The following ZNF208 variants were observed in gnomAD, a reference collection of about 807,000 sequenced individuals.
The protein encoded by ZNF208 is zinc finger protein 95.
Under a neutral mutation model 12.1 loss-of-function variants are expected in ZNF208, and 10 were observed. The ratio of observed to expected loss-of-function variants is 0.83; its 90% CI spans 0.51 to 1.40. ZNF208 has a LOEUF of 1.40. ZNF208 is among the 40% of genes most tolerant of loss of function. The probability of loss-of-function intolerance (pLI) is 0.00; values close to 1 mark genes in which losing one functional copy is unlikely to be tolerated. For missense variants in ZNF208, 1,652 were observed against 1,485.0 expected (o/e 1.11, Z -1.85); for synonymous variants, 497 against 488.4 (o/e 1.02, Z -0.23).
chr19:22,010,074 A>G (rs1050997546), intron 1 of ZNF208, among the ~76,000 whole-genome samples: 2 of 151,728 alleles, frequency 1.3e-5, no homozygotes, highest in Non-Finnish European at 2.9e-5. Context: ...AGTCCCAGCT[A>G]CTCGGAAGGC....
intron 4 of ZNF208, among the ~76,000 whole-genome samples, chr19:21,950,293 A>T (rs1227720986): frequency 6.6e-6 from 1 of 152,116 alleles, no homozygotes; most frequent in African/African-American, 2.4e-5. Flanking sequence ...GCAAGCATAG[A>T]AGGCCCTAAA....
chr19:21,962,000 T>A (rs764917228), downstream of ZNF208, among the ~76,000 whole-genome samples: 1 of 152,136 alleles, frequency 6.6e-6, no homozygotes, highest in Non-Finnish European at 1.5e-5. Flanking sequence ...GAGATTAAAG[T>A]AAGACAGGTG....
chr19:21,960,511 T>C (rs984713894), intron 4 of ZNF208, among the ~76,000 whole-genome samples: 3 of 152,204 alleles, frequency 2.0e-5, no homozygotes, highest in African/African-American at 7.2e-5. Flanking sequence ...TGGAATGCTC[T>C]TTATTCCTTA....
In ZNF208 at chr19:21,972,008, G is replaced by C. The variant is rs757134133; in HGVS notation, c.3026C>G (p.Ala1009Gly). The part of the protein sequence containing the change: ...KPYKCEECGK[A>G]FNWSSNLMEH... ...CATAAGGTTTGATGACCAGTTGAAAGCTTTGCCACATTCTTCACATTTGTA... is the reference window on the plus strand; with the variant it reads ...CATAAGGTTTGATGACCAGTTGAAACCTTTGCCACATTCTTCACATTTGTA... Residue 1009 changes from alanine (A) to glycine (G), a missense_variant, in exon 4 of 4, where the codon GCT becomes GGT. Ala to Gly is a moderately conservative substitution (Grantham distance 60). Around this residue, in one of 3 missense-constraint regions of ZNF208, gnomAD observed 1,239 missense variants for 1,086.2 expected, o/e 1.14. Coordinates refer to ENST00000397126, the MANE Select transcript of ZNF208 (RefSeq NM_007153.3). 1.2e-6 allele frequency: 2 copies of C among 1,613,186 alleles called. No individual in the cohort carries two copies. Among genetic ancestry groups the C allele is most frequent in the South Asian group, 1.1e-5 (1 of 90,974 alleles).
chr19:21,943,563 T>C (rs1312538778), intron 4 of ZNF208, among the ~76,000 whole-genome samples: 1 of 152,166 alleles, frequency 6.6e-6, no homozygotes, highest in Non-Finnish European at 1.5e-5. Context: ...CACAGGAGGA[T>C]CCTGATCCTC....
intron 4 of ZNF208, among the ~76,000 whole-genome samples, chr19:21,960,214 T>A (rs991622461): frequency 6.6e-6 from 1 of 152,148 alleles, no homozygotes; most frequent in Non-Finnish European, 1.5e-5. Context: ...TTTATTGCTA[T>A]ATTGTCTCAA....
Position 21,974,825 on chromosome 19 carries a change from T to C in ZNF208, c.227-18A>G, listed in dbSNP as rs1002540487. The C allele has an allele frequency of 2.6e-6, 4 of 1,512,996 alleles. No individual in the cohort carries two copies. The highest frequency in any genetic ancestry group is 3.5e-6 in the Non-Finnish European group (4 of 1,135,154). 93.7% of individuals were successfully genotyped at this position (1,512,996 alleles called of 1,614,324 possible). ...ACATATAACTGAAAAGAAATAAAAA[T>C]CACAAATTAGCCTACTTATTAGACT... On this transcript the variant is annotated intron_variant, in intron 3 of 3. Transcript: ENST00000397126.
In ZNF208 at chr19:21,954,482, G is replaced by T. The variant is rs181260332; in HGVS notation, c.305+20247C>A. On this transcript the variant is annotated intron_variant, in intron 4 of 4. Coordinates refer to the ZNF208 transcript ENST00000599916. Reference sequence around the variant, plus strand: ...GTGTGGGAGTCTAAGTCTCTTTGTAGGTCTCTAAGGACTTGCTTTATGAAT... The same window carrying T: ...GTGTGGGAGTCTAAGTCTCTTTGTATGTCTCTAAGGACTTGCTTTATGAAT... Among the ~76,000 whole-genome samples the T allele has an allele frequency of 6.2e-3, 951 of 152,212 alleles. 4 individuals are homozygous for T. Among genetic ancestry groups the T allele is most frequent in the Non-Finnish European group, 0.01 (690 of 68,002 alleles).
intron 4 of ZNF208, among the ~76,000 whole-genome samples, chr19:21,960,257 C>G (rs981414796): frequency 6.6e-6 from 1 of 151,610 alleles, no homozygotes; most frequent in African/African-American, 2.4e-5. Flanking sequence ...GGCCTTGATC[C>G]AAAAAATGTT....
chr19:21,984,065 A>G (rs1336970274), intron 3 of ZNF208, among the ~76,000 whole-genome samples: 5 of 152,142 alleles, frequency 3.3e-5, no homozygotes, highest in Non-Finnish European at 7.4e-5. Flanking sequence ...ACTATTTCTG[A>G]CAGAGGTATA....
intron 3 of ZNF208, 52 bp from the exon 4 acceptor site, chr19:21,974,859 TAC>T (rs1452425324): frequency 7.5e-6 from 11 of 1,458,356 alleles, no homozygotes; most frequent in Middle Eastern, 1.8e-4. Flanking sequence ...CTCAGATAAA[TAC>T]AGTTTCTAAA....
downstream of ZNF208, among the ~76,000 whole-genome samples, chr19:21,961,558 G>T (rs551627003): frequency 3.6e-4 from 55 of 152,138 alleles, no homozygotes; most frequent in African/African-American, 8.2e-4. Flanking sequence ...CCAGGGTGGG[G>T]TTTTTTTCCC....
rs1279760396 is a variant in ZNF208 at position 21,942,296 on chromosome 19, G to C, written c.306-9059C>G. Among the ~76,000 whole-genome samples, 3 of 152,164 alleles carry C rather than the reference G, an allele frequency of 2.0e-5. No individual in the cohort carries two copies. In the East Asian group the frequency reaches 5.8e-4, roughly 29 times the overall value. ...TTACTTAATAGTAGTATATATATAAGATCAAAGATCTGTTAAAAATAGATA... is the reference window on the plus strand; with the variant it reads ...TTACTTAATAGTAGTATATATATAACATCAAAGATCTGTTAAAAATAGATA... On this transcript the variant is annotated intron_variant, in intron 4 of 4. Transcript: ENST00000599916.
chr19:22,006,765 T>TAA (rs1224385897), intron 1 of ZNF208, among the ~76,000 whole-genome samples: 1 of 152,210 alleles, frequency 6.6e-6, no homozygotes, highest in African/African-American at 2.4e-5. Flanking sequence ...TTTTTGAAAT[T>TAA]GTGTTTGAAA....
rs1264048854 is a variant in ZNF208, at chr19:21,972,303, G to T, written c.2731C>A (p.His911Asn). Residue 911 changes from histidine to asparagine, a missense_variant, in exon 4 of 4, where the codon CAT (histidine) becomes AAT (asparagine). By Grantham distance (68) the His-to-Asn change is moderately conservative. This residue lies in a region of ZNF208 where 1,239 missense variants were observed against 1,086.2 expected (regional missense o/e 1.14). Transcript: ENST00000397126. Reference sequence around the variant, plus strand: ...CATTTGTAGGGTTTCTCTCCAGTATGAATTACCTCATGTTTAGTAAGGATG... The same window carrying T: ...CATTTGTAGGGTTTCTCTCCAGTATTAATTACCTCATGTTTAGTAAGGATG... ...FSILTKHEVI[H>N]TGEKPYKCEE... 1 of 1,613,502 alleles carries T rather than the reference G, an allele frequency of 6.2e-7. No individual in the cohort carries two copies. Among genetic ancestry groups the T allele is most frequent in the African/African-American group, 1.3e-5 (1 of 74,826 alleles).
chr19:21,949,731 C>G (rs907507658), intron 4 of ZNF208, among the ~76,000 whole-genome samples: 1 of 152,168 alleles, frequency 6.6e-6, no homozygotes. Context: ...TAAGGTCCAG[C>G]TCAACAACCA....
rs1250994965 is a variant in ZNF208, at chr19:21,969,635, A to G, written c.*1556T>C. Among the ~76,000 whole-genome samples, 2 of 152,196 alleles carry G rather than the reference A, an allele frequency of 1.3e-5. No homozygotes were observed. The highest frequency in any genetic ancestry group is 2.4e-5 in the African/African-American group (1 of 41,452). On this transcript the variant is annotated 3_prime_UTR_variant, in exon 4 of 4. Transcript: ENST00000397126. The stretch of plus-strand genomic sequence containing the variant: ...ATTAAATTTGCAGGGTTATTCTTCA[A>G]TATAAATTCCCTGATGTTGAGCAAA...
At chr19:21,979,988 A>G (rs1258804329) in intron 3 of ZNF208, among the ~76,000 whole-genome samples, 3 of 152,222 alleles carry the variant, frequency 2.0e-5, no homozygotes, top group African/African-American at 4.8e-5. Flanking sequence ...GATGGTCATT[A>G]CATAATGGTA....
chr19:21,971,276 T>C lies in ZNF208; in HGVS notation c.3758A>G (p.Tyr1253Cys), dbSNP rs889097700. Residue 1253 changes from tyrosine to cysteine, a missense_variant, in exon 4 of 4, where the codon TAC becomes TGC. Physicochemically the swap from Tyr to Cys is radical, Grantham distance 194. Around this residue, in one of 3 missense-constraint regions of ZNF208, gnomAD observed 1,239 missense variants for 1,086.2 expected, o/e 1.14. Coordinates refer to ENST00000397126, the MANE Select transcript of ZNF208 (RefSeq NM_007153.3). ...GGCTTTGCCACATTCTTCACATTTG[T>C]AGGGTTTCTCTCCAGTATGAATTAC... ...HKVIHTGEKP[Y>C]KCEECGKAFS... 27 of 1,612,470 alleles carry C rather than the reference T, an allele frequency of 1.7e-5. No homozygotes were observed. Among genetic ancestry groups the C allele is most frequent in the Non-Finnish European group, 2.2e-5 (26 of 1,179,940 alleles).
Sources: allele counts gnomAD v4.1 joint callset (sites outside exome capture counted in the v4.1 genomes callset), GRCh38; gene constraint gnomAD v4.1.1; regional missense constraint gnomAD v4.1.1; transcripts MANE v1.5; gene names NCBI Gene and HGNC (gene_info 2026-07-23, HGNC 2026-07-21).